Variants in CCDC141 observed in about 807,000 individuals in gnomAD.
CCDC141 encodes the protein coiled-coil domain-containing protein 141.
Under a neutral mutation model 181.0 loss-of-function variants are expected in CCDC141, and 168 were observed. The observed-to-expected ratio is 0.93, with a 90% CI of 0.82 to 1.05. CCDC141 has a LOEUF of 1.05. CCDC141 is among the 50% of genes least tolerant of loss of function. CCDC141 has a pLI of 0.00. For missense variants in CCDC141, 1,902 were observed against 1,788.5 expected (o/e 1.06, Z -1.14); for synonymous variants, 666 against 642.3 (o/e 1.04, Z -0.56).
At position 178,837,021 on chromosome 2, in the gene CCDC141, T is replaced by C; in HGVS notation, c.4198A>G (p.Ser1400Gly). The change falls in exon 23 of 24, where the codon AGC (serine) becomes GGC (glycine). Residue 1400 changes from serine (S) to glycine (G), a missense_variant. By Grantham distance (56) the Ser-to-Gly change is moderately conservative. Coordinates refer to ENST00000443758, the MANE Select transcript of CCDC141 (RefSeq NM_173648.4). Reference sequence around the variant, plus strand: ...GCCTGGTCAGCTAGGCTGACCACGCTGCTCTTTGCTGATGTGCTTTTAATC... The same window carrying C: ...GCCTGGTCAGCTAGGCTGACCACGCCGCTCTTTGCTGATGTGCTTTTAATC... Reference protein sequence around the residue: ...EEIKSTSAKSSVVSLADQAPN... With the variant: ...EEIKSTSAKSGVVSLADQAPN... The C allele has an allele frequency of 1.2e-6, 2 of 1,614,076 alleles. No homozygotes were observed. Among genetic ancestry groups the C allele is most frequent in the Non-Finnish European group, 1.7e-6 (2 of 1,179,968 alleles).
At chr2:178,816,810 A>G in the CCDC141 span, among the ~76,000 whole-genome samples, 2 of 152,194 alleles carry the variant, frequency 1.3e-5, no homozygotes, top group African/African-American at 2.4e-5. Flanking sequence ...GTATTCTACA[A>G]TAAGAAGAGA....
At chr2:178,966,849 CT>C (rs1690662233) in intron 4 of CCDC141, among the ~76,000 whole-genome samples, 1 of 151,704 alleles carries the variant, frequency 6.6e-6, no homozygotes, top group Non-Finnish European at 1.5e-5. Flanking sequence ...AGCTAAGAAC[CT>C]TGAAAAAAAG....
At chr2:178,882,868 T>A (rs762178707) in intron 11 of CCDC141, among the ~76,000 whole-genome samples, 2 of 150,442 alleles carry the variant, frequency 1.3e-5, no homozygotes, top group Non-Finnish European at 3.0e-5. Context: ...GGGCAGGGAG[T>A]TGAGGGGATG....
chr2:178,918,827 G>A lies in CCDC141; in HGVS notation c.978C>T (p.His326=), dbSNP rs1558980341. Residue 326 remains histidine, a synonymous_variant, in exon 7 of 24, where the codon CAC becomes CAT. Coordinates refer to ENST00000443758, the MANE Select transcript of CCDC141 (RefSeq NM_173648.4). ...LLSKDYVEKE[H]LQLSHQKLSQ... The stretch of plus-strand genomic sequence containing the variant: ...TGAGTTTCTGGTGAGAGAGCTGGAG[G>A]TGTTCTTTCTCCACGTAGTCCTTTG... 7.7e-6 allele frequency: 12 copies of A among 1,550,408 alleles called. No homozygotes were observed. The highest frequency in any genetic ancestry group is 9.6e-6 in the Non-Finnish European group (11 of 1,146,940).
intron 2 of CCDC141, among the ~76,000 whole-genome samples, chr2:179,020,718 A>G (rs2042670707): frequency 6.6e-6 from 1 of 152,200 alleles, no homozygotes. Flanking sequence ...TGAGACAATG[A>G]TATGAAAGCA....
At chr2:178,866,068 A>G (rs1230936484) in intron 16 of CCDC141, 152 bp from the exon 17 acceptor site, 7 of 563,174 alleles carry the variant, frequency 1.2e-5, no homozygotes, top group Non-Finnish European at 1.9e-5. Flanking sequence ...ATTTGAACAT[A>G]ATTATTTCAG....
intron 2 of CCDC141, among the ~76,000 whole-genome samples, chr2:178,987,475 C>G (rs112218715): frequency 0.047 from 7,098 of 152,096 alleles, 214 homozygotes; most frequent in South Asian, 0.078. Flanking sequence ...AATGGGAACT[C>G]ATTAAACTAA....
intron 5 of CCDC141, among the ~76,000 whole-genome samples, chr2:178,946,920 T>C (rs1312851441): frequency 1.3e-5 from 2 of 152,218 alleles, no homozygotes; most frequent in Non-Finnish European, 2.9e-5. Flanking sequence ...GATCTACAAA[T>C]TTTTACTACC....
chr2:178,817,003 T>C, the CCDC141 span, among the ~76,000 whole-genome samples: 4 of 152,190 alleles, frequency 2.6e-5, no homozygotes, highest in Admixed American at 2.6e-4. Flanking sequence ...ACATTAGATT[T>C]CTAATGTACT....
intron 7 of CCDC141, among the ~76,000 whole-genome samples, chr2:178,910,332 C>T (rs1300941958): frequency 1.3e-5 from 2 of 152,172 alleles, no homozygotes; most frequent in South Asian, 2.1e-4. Context: ...ACATTAAACA[C>T]GAACAACAAC....
At chr2:178,987,377 C>T (rs1439100680) in intron 2 of CCDC141, among the ~76,000 whole-genome samples, 1 of 151,824 alleles carries the variant, frequency 6.6e-6, no homozygotes, top group Non-Finnish European at 1.5e-5. Context: ...AGAAGAAAAC[C>T]TAGGCATTAC....
chr2:179,017,752 C>T (rs2042584517), intron 2 of CCDC141, among the ~76,000 whole-genome samples: 1 of 151,982 alleles, frequency 6.6e-6, no homozygotes, highest in African/African-American at 2.4e-5. Flanking sequence ...CTGACATCAG[C>T]AATAATAACA....
intron 4 of CCDC141, among the ~76,000 whole-genome samples, chr2:178,961,809 G>A (rs1020164509): frequency 1.3e-5 from 2 of 152,218 alleles, no homozygotes; most frequent in Non-Finnish European, 2.9e-5. Context: ...GATGCTGGGT[G>A]AGTGTTCTAC....
the CCDC141 span, among the ~76,000 whole-genome samples, chr2:178,820,892 G>T: frequency 2.0e-5 from 3 of 151,928 alleles, no homozygotes; most frequent in East Asian, 1.9e-4. Context: ...GTCTTATAAG[G>T]GTATCTATCT....
Position 179,041,491 on chromosome 2 carries a change from G to GTTTTTTTTTT in CCDC141, c.225+5783_225+5792dup, listed in dbSNP as rs35229059. Among the ~76,000 whole-genome samples, 3 of 58,896 alleles carry GTTTTTTTTTT rather than the reference G, an allele frequency of 5.1e-5. 1 individual carries two copies. Among genetic ancestry groups the GTTTTTTTTTT allele is most frequent in the African/African-American group, 7.2e-5 (1 of 13,852 alleles). 38.6% of individuals were successfully genotyped at this position (58,896 alleles called of 152,430 possible). ...TATTATTTAATCGGGTTGGTTGTGG[G>GTTTTTTTTTT]TTTTTTTTTTTTTTTTTTTTTTTTT... On this transcript the variant is annotated intron_variant, in intron 2 of 23. Transcript: ENST00000443758.
intron 2 of CCDC141, among the ~76,000 whole-genome samples, chr2:179,034,812 C>T (rs2043095778): frequency 6.6e-6 from 1 of 152,110 alleles, no homozygotes; most frequent in Non-Finnish European, 1.5e-5. Flanking sequence ...TGATGTTGAT[C>T]TTCTTAAATG....
Position 178,905,494 on chromosome 2 carries a change from T to A in CCDC141, c.1100A>T (p.Asp367Val). ...GTAAGCTTCAACTCTTCCAAGTACA[T>A]CAAATGCCTGCCAAAGAAAACATAC... ...EFFNSANKAFDVLGRVEAYLK... is the reference protein window; with the variant it reads ...EFFNSANKAFVVLGRVEAYLK... The change falls in exon 8 of 24, where the codon GAT becomes GTT. Residue 367 changes from aspartate (D) to valine (V), a missense_variant. Asp to Val is a radical substitution (Grantham distance 152). Transcript: ENST00000443758. 1 of 1,542,358 alleles carries A rather than the reference T, an allele frequency of 6.5e-7. No individual in the cohort carries two copies. The highest frequency in any genetic ancestry group is 8.7e-7 in the Non-Finnish European group (1 of 1,144,586).
At chr2:179,015,120 T>TATATATATATTATATATATAATC (rs1559048889) in intron 2 of CCDC141, among the ~76,000 whole-genome samples, 5 of 62,026 alleles carry the variant, frequency 8.1e-5, no homozygotes, top group Non-Finnish European at 9.0e-5. Flanking sequence ...TATATAATCA[T>TATATATATATTATATATATAATC]ATATATATAT....
At chr2:178,967,890 G>A (rs185693206) in intron 4 of CCDC141, among the ~76,000 whole-genome samples, 168 of 152,156 alleles carry the variant, frequency 1.1e-3, no homozygotes, top group Non-Finnish European at 2.1e-3. Flanking sequence ...AAGGATGGAG[G>A]AATATTTACT....
Sources: allele counts gnomAD v4.1 joint callset (sites outside exome capture counted in the v4.1 genomes callset), GRCh38; gene constraint gnomAD v4.1.1; transcripts MANE v1.5; gene names NCBI Gene and HGNC (gene_info 2026-07-23, HGNC 2026-07-21).